ALK: variants seen among roughly 807,000 people sequenced by gnomAD.
ALK encodes ALK tyrosine kinase receptor.
Under a neutral mutation model 163.1 loss-of-function variants are expected in ALK, and 74 were observed. The observed-to-expected ratio is 0.45, with a 90% CI of 0.38 to 0.55. The LOEUF (loss-of-function observed/expected upper bound fraction) is 0.55. ALK is among the 20% of genes least tolerant of loss of function. The probability of loss-of-function intolerance (pLI) is 0.00; values close to 1 mark genes in which losing one functional copy is unlikely to be tolerated. For missense variants in ALK, 2,063 were observed against 2,105.3 expected (o/e 0.98, Z 0.39); for synonymous variants, 960 against 843.2 (o/e 1.14, Z -2.40).
intron 1 of ALK, among the ~76,000 whole-genome samples, chr2:29,747,137 G>A (rs1680225716): frequency 1.3e-5 from 2 of 152,216 alleles, no homozygotes; most frequent in South Asian, 2.1e-4. Flanking sequence ...CTGACTGATG[G>A]AAAAGCCCTC....
intron 1 of ALK, among the ~76,000 whole-genome samples, chr2:29,884,264 T>C (rs1266390233): frequency 6.6e-6 from 1 of 152,212 alleles, no homozygotes; most frequent in Non-Finnish European, 1.5e-5. Flanking sequence ...ATTCATCATG[T>C]TTAGTGCAAT....
chr2:29,259,256 G>C (rs1294951156), intron 11 of ALK, among the ~76,000 whole-genome samples: 1 of 152,040 alleles, frequency 6.6e-6, no homozygotes, highest in East Asian at 1.9e-4. Context: ...AAAATTGAGA[G>C]CATTCAACTT....
At chr2:29,256,331 G>A (rs1664948539) in intron 11 of ALK, among the ~76,000 whole-genome samples, 1 of 152,156 alleles carries the variant, frequency 6.6e-6, no homozygotes, top group Non-Finnish European at 1.5e-5. Flanking sequence ...AAACCTCTCA[G>A]TGTTTACTGT....
At chr2:29,884,477 T>C (rs1666941274) in intron 1 of ALK, among the ~76,000 whole-genome samples, 1 of 152,028 alleles carries the variant, frequency 6.6e-6, no homozygotes, top group African/African-American at 2.4e-5. Context: ...AAAAAAAATG[T>C]GAAGCCATTG....
intron 26 of ALK, among the ~76,000 whole-genome samples, chr2:29,200,793 G>GTATACATATATATGTGTGTA (rs1669153782): frequency 7.4e-6 from 1 of 134,892 alleles, no homozygotes; most frequent in Non-Finnish European, 1.6e-5. Context: ...GTATATACAT[G>GTATACATATATATGTGTGTA]TATACATATA....
chr2:29,896,976 T>C (rs1220346047), intron 1 of ALK, among the ~76,000 whole-genome samples: 1 of 152,166 alleles, frequency 6.6e-6, no homozygotes, highest in Non-Finnish European at 1.5e-5. Flanking sequence ...AAGCAGAGCT[T>C]AGATATAGAT....
chr2:29,219,403 G>A (rs1196137944), intron 23 of ALK, among the ~76,000 whole-genome samples: 1 of 152,132 alleles, frequency 6.6e-6, no homozygotes, highest in South Asian at 2.1e-4. Context: ...GACCTTGCAG[G>A]GCTTCCATCA....
intron 4 of ALK, among the ~76,000 whole-genome samples, chr2:29,438,896 A>G (rs1444053612): frequency 6.6e-6 from 1 of 152,092 alleles, no homozygotes; most frequent in Non-Finnish European, 1.5e-5. Context: ...GGCTTGTTCT[A>G]TTATAGATGC....
chr2:29,402,862 C>T (rs903822729), intron 4 of ALK, among the ~76,000 whole-genome samples: 5 of 152,132 alleles, frequency 3.3e-5, no homozygotes, highest in Admixed American at 6.6e-5. Flanking sequence ...CATGTGATCA[C>T]CACAAATCCC....
intron 4 of ALK, among the ~76,000 whole-genome samples, chr2:29,402,227 G>A (rs570324545): frequency 2.0e-5 from 3 of 152,226 alleles, no homozygotes; most frequent in South Asian, 2.1e-4. Context: ...CAGATTGTGT[G>A]GGGGGCCAGG....
chr2:29,794,932 C>A (rs536110401), intron 1 of ALK, among the ~76,000 whole-genome samples: 1 of 152,164 alleles, frequency 6.6e-6, no homozygotes, highest in South Asian at 2.1e-4. Context: ...TCTTTCCAAG[C>A]AGAGTCACCA....
rs539566777 is a variant in ALK, at chr2:29,228,364, C to T, written c.2815+520G>A. The stretch of plus-strand genomic sequence containing the variant: ...TGCTGACTGTGCTCTGAAGCCCAGA[C>T]GAGGCAGCTGGGGTCAATGGGCAGC... On this transcript the variant is annotated intron_variant, in intron 16 of 28. Coordinates refer to ENST00000389048, the MANE Select transcript of ALK (RefSeq NM_004304.5). Among the ~76,000 whole-genome samples the T allele has an allele frequency of 6.6e-5, 10 of 152,336 alleles. No individual in the cohort carries two copies. In the East Asian group the frequency reaches 9.7e-4, roughly 15 times the overall value.
chr2:29,677,009 G>C (rs1448776953), intron 3 of ALK, among the ~76,000 whole-genome samples: 1 of 151,726 alleles, frequency 6.6e-6, no homozygotes, highest in African/African-American at 2.4e-5. Flanking sequence ...TCATTTGTTT[G>C]TTAAATTAGC....
intron 4 of ALK, among the ~76,000 whole-genome samples, chr2:29,529,661 G>A (rs531531414): frequency 3.3e-5 from 5 of 152,208 alleles, no homozygotes; most frequent in Non-Finnish European, 5.9e-5. Flanking sequence ...GTAGCTCTGC[G>A]CTGCAGTGGA....
Position 29,228,914 on chromosome 2 carries a change from A to G in ALK, c.2785T>C (p.Ser929Pro). 6.3e-7 allele frequency: 1 copy of G among 1,578,832 alleles called. No homozygotes were observed. Among genetic ancestry groups the G allele is most frequent in the Non-Finnish European group, 8.7e-7 (1 of 1,148,364 alleles). Residue 929 changes from serine (S) to proline (P), a missense_variant, in exon 16 of 29, where the codon TCC becomes CCC. Ser to Pro is a moderately conservative substitution (Grantham distance 74). Transcript: ENST00000389048. ...TATCCTCCGCCTCCTCCACCTGAGGAGCACCCCCCTCCACCCCCTCCGAAA... is the reference window on the plus strand; with the variant it reads ...TATCCTCCGCCTCCTCCACCTGAGGGGCACCCCCCTCCACCCCCTCCGAAA... ...GGFGGGGGGC[S>P]SGGGGGGYIG...
chr2:29,772,505 G>A (rs970881942), intron 1 of ALK, among the ~76,000 whole-genome samples: 3 of 152,172 alleles, frequency 2.0e-5, no homozygotes, highest in Non-Finnish European at 2.9e-5. Context: ...TGGAGAATGC[G>A]AGTGGAGTGA....
At chr2:29,685,032 G>A (rs939345461) in intron 3 of ALK, among the ~76,000 whole-genome samples, 3 of 152,162 alleles carry the variant, frequency 2.0e-5, no homozygotes, top group East Asian at 3.8e-4. Context: ...GTTCATCTTC[G>A]ATTATCATCT....
At chr2:29,696,883 C>T (rs1193509865) in intron 2 of ALK, among the ~76,000 whole-genome samples, 1 of 151,210 alleles carries the variant, frequency 6.6e-6, no homozygotes, top group Non-Finnish European at 1.5e-5. Context: ...CTCTCTCCTT[C>T]TCCATGCCTG....
At chr2:29,242,692 C>T (rs1003479042) in intron 12 of ALK, among the ~76,000 whole-genome samples, 6 of 152,178 alleles carry the variant, frequency 3.9e-5, no homozygotes, top group African/African-American at 1.4e-4. Flanking sequence ...AGAGCCTCAA[C>T]GTCCACTACT....
Sources: gnomAD v4.1 joint callset for allele counts (sites outside exome capture counted in the v4.1 genomes callset) on GRCh38, gnomAD v4.1.1 for gene constraint, MANE v1.5 for transcripts, NCBI Gene and HGNC (gene_info 2026-07-23, HGNC 2026-07-21) for gene names.